VPS13A: variants seen among roughly 807,000 people sequenced by gnomAD.
The protein encoded by VPS13A is vacuolar protein sorting 13 homolog A.
In VPS13A, 264 loss-of-function variants were observed where a neutral mutation model predicts 390.9. The observed-to-expected ratio is 0.68, with a 90% CI of 0.61 to 0.75. VPS13A has a LOEUF of 0.75. Among genes scored for constraint, VPS13A ranks in the 30% least tolerant of loss-of-function variants. The pLI is 0.00. For synonymous variants in VPS13A, 1,231 were observed against 1,227.1 expected, an observed-to-expected ratio of 1.00 and a Z score of -0.07; for missense variants, 3,409 against 3,733.9, an observed-to-expected ratio of 0.91 and a Z score of 2.27.
At chr9:77,382,959 G>A (rs1027563898) in intron 68 of VPS13A, 1 of 985,232 alleles carries the variant, frequency 1.0e-6, no homozygotes, top group African/African-American at 1.7e-5. Context: ...TGTTGTTTCT[G>A]TGGTTTAGAG....
chr9:77,221,659 A>G (rs1823219642), intron 13 of VPS13A, among the ~76,000 whole-genome samples: 1 of 152,164 alleles, frequency 6.6e-6, no homozygotes, highest in Admixed American at 6.6e-5. Context: ...CATTGATTCC[A>G]ACTTCTCTGT....
At position 77,339,492 on chromosome 9, in the gene VPS13A, TTG is replaced by T. The variant is rs377033538; in HGVS notation, c.6379-22_6379-21del. Reference sequence around the variant, plus strand: ...ATTCTGCAACATTTTAAATTTTGTTTTGTTTTTTTTTTTTTTATTACAGGGAA... The same window carrying T: ...ATTCTGCAACATTTTAAATTTTGTTTTTTTTTTTTTTTTTATTACAGGGAA... On this transcript the variant is annotated intron_variant, in intron 47 of 71. Coordinates refer to ENST00000360280, the MANE Select transcript of VPS13A (RefSeq NM_033305.3). 9,252 of 1,393,854 alleles carry T rather than the reference TTG, an allele frequency of 6.6e-3. 96 individuals are homozygous for T. Among genetic ancestry groups the T allele is most frequent in the South Asian group, 7.2e-3 (515 of 71,440 alleles). The allele number at this position is 1,393,854 out of a possible 1,614,324, so 86.3% of individuals were successfully genotyped here.
intron 26 of VPS13A, 31 bp downstream of exon 26, chr9:77,276,252 A>G (rs1302800330): frequency 2.0e-6 from 3 of 1,519,216 alleles, no homozygotes; most frequent in Non-Finnish European, 2.7e-6. Context: ...AAATAAATAA[A>G]TTAATTTCAT....
chr9:77,351,091 C>A, intron 52 of VPS13A: 1 of 441,888 alleles, frequency 2.3e-6, no homozygotes, highest in Non-Finnish European at 4.0e-6. Context: ...ACTTGAAGAC[C>A]TTTATTTCCT....
At chr9:77,387,765 A>T (rs1286829781) in intron 68 of VPS13A, among the ~76,000 whole-genome samples, 1 of 152,214 alleles carries the variant, frequency 6.6e-6, no homozygotes, top group Non-Finnish European at 1.5e-5. Flanking sequence ...TGTTTTTGAA[A>T]CTATTCAAAA....
chr9:77,371,936 A>G (rs1197450793), intron 67 of VPS13A, among the ~76,000 whole-genome samples: 2 of 145,034 alleles, frequency 1.4e-5, no homozygotes, highest in South Asian at 4.5e-4. Flanking sequence ...TTTACTGAGA[A>G]TGATGATTTC....
At chr9:77,333,448 T>TTTTTG (rs1830382153) in intron 46 of VPS13A, among the ~76,000 whole-genome samples, 1 of 130,844 alleles carries the variant, frequency 7.6e-6, no homozygotes, top group Admixed American at 7.6e-5. Flanking sequence ...TTTTTTTTTT[T>TTTTTG]GAGATGGAGT....
At chr9:77,334,659 T>A (rs998515985) in intron 46 of VPS13A, among the ~76,000 whole-genome samples, 4 of 152,228 alleles carry the variant, frequency 2.6e-5, no homozygotes, top group Non-Finnish European at 4.4e-5. Context: ...ATTATGATCT[T>A]ACTCATTTGT....
intron 4 of VPS13A, 32 bp downstream of exon 4, chr9:77,205,440 G>T: frequency 9.1e-7 from 1 of 1,097,986 alleles, no homozygotes; most frequent in Non-Finnish European, 1.2e-6. Flanking sequence ...TATAATTTAA[G>T]TTATTCTTTT....
chr9:77,356,013 T>G (rs1831758584), intron 54 of VPS13A, among the ~76,000 whole-genome samples: 1 of 152,242 alleles, frequency 6.6e-6, no homozygotes, highest in African/African-American at 2.4e-5. Flanking sequence ...ATTATGTTGT[T>G]AGTTGTCTTA....
chr9:77,247,652 T>G (rs1300158629), intron 20 of VPS13A, among the ~76,000 whole-genome samples: 2 of 152,018 alleles, frequency 1.3e-5, no homozygotes, highest in Non-Finnish European at 2.9e-5. Context: ...GACTGATTGA[T>G]TGATTGATTG....
In VPS13A at chr9:77,250,379, C is replaced by T. The variant is rs556256901; in HGVS notation, c.2170+150C>T. ...GTAAATATTGTCTAGCTGTTCTTACCAGGAGCAGTCTTGCCCCCCCAAGAG... is the reference window on the plus strand; with the variant it reads ...GTAAATATTGTCTAGCTGTTCTTACTAGGAGCAGTCTTGCCCCCCCAAGAG... On this transcript the variant is annotated intron_variant, in intron 21 of 71. Transcript: ENST00000360280. 126 of 999,628 alleles carry T rather than the reference C, an allele frequency of 1.3e-4. No individual in the cohort carries two copies. In the African/African-American group the frequency reaches 1.9e-3, roughly 15 times the overall value. 61.9% of individuals were successfully genotyped at this position (999,628 alleles called of 1,614,324 possible). A position where few individuals can be genotyped will look rare whatever the true frequency, so the allele number is the denominator to read the frequency against.
At chr9:77,207,252 T>TATATA in intron 5 of VPS13A, among the ~76,000 whole-genome samples, 1 of 87,274 alleles carries the variant, frequency 1.1e-5, no homozygotes, top group Non-Finnish European at 2.3e-5. Flanking sequence ...TATATATATA[T>TATATA]AAAACGTGTT....
chr9:77,250,962 A>C (rs997011345), intron 21 of VPS13A, among the ~76,000 whole-genome samples: 12 of 152,226 alleles, frequency 7.9e-5, no homozygotes, highest in African/African-American at 2.9e-4. Context: ...GATCTGTTGA[A>C]GAGATCCATA....
At chr9:77,186,901 C>T (rs532133890) in intron 1 of VPS13A, among the ~76,000 whole-genome samples, 9 of 152,336 alleles carry the variant, frequency 5.9e-5, no homozygotes, top group African/African-American at 2.2e-4. Flanking sequence ...ATTCCACCGT[C>T]TTCCCAGACC....
chr9:77,350,292 T>G (rs1311519345), intron 52 of VPS13A, among the ~76,000 whole-genome samples: 1 of 152,212 alleles, frequency 6.6e-6, no homozygotes, highest in African/African-American at 2.4e-5. Context: ...TATGTATTAT[T>G]TCATTCAAGG....
intron 71 of VPS13A, among the ~76,000 whole-genome samples, chr9:77,415,545 A>C (rs1465726515): frequency 6.6e-6 from 1 of 152,218 alleles, no homozygotes; most frequent in Non-Finnish European, 1.5e-5. Flanking sequence ...GAGAGCACCT[A>C]AAATGCTCAA....
At position 77,209,418 on chromosome 9, in the gene VPS13A, T is replaced by C. The variant is rs541847519; in HGVS notation, c.386-5T>C. The stretch of plus-strand genomic sequence containing the variant: ...ATTTTAAAAAAGGAATATTTGCAAT[T>C]GTAGAACAACATCTGCCGGAAAAAC... On this transcript the variant is annotated splice_region_variant and splice_polypyrimidine_tract_variant and intron_variant, in intron 5 of 71. Coordinates refer to ENST00000360280, the MANE Select transcript of VPS13A (RefSeq NM_033305.3). 4 of 1,597,848 alleles carry C rather than the reference T, an allele frequency of 2.5e-6. No individual in the cohort carries two copies. The African/African-American group carries it at 4.0e-5, about 16-fold the overall frequency.
Position 77,358,424 on chromosome 9 carries a change from T to G in VPS13A, c.8021T>G (p.Val2674Gly). 1.9e-6 allele frequency: 3 copies of G among 1,613,220 alleles called. No homozygotes were observed. The highest frequency in any genetic ancestry group is 1.7e-6 in the Non-Finnish European group (2 of 1,179,598). ...VFYPVKPPKS[V>G]TMDSAPKPFT... Reference sequence around the variant, plus strand: ...TATCCTGTTAAACCTCCAAAGTCGGTCACCATGGATTCAGGTTTGTTTTTA... The same window carrying G: ...TATCCTGTTAAACCTCCAAAGTCGGGCACCATGGATTCAGGTTTGTTTTTA... Residue 2674 changes from valine (V) to glycine (G), a missense_variant, in exon 57 of 72, where the codon GTC (valine) becomes GGC (glycine). By Grantham distance (109) the Val-to-Gly change is moderately radical (BLOSUM62 -3). Coordinates refer to ENST00000360280, the MANE Select transcript of VPS13A (RefSeq NM_033305.3).
Sources: gnomAD v4.1 joint callset for allele counts (sites outside exome capture counted in the v4.1 genomes callset) on GRCh38, gnomAD v4.1.1 for gene constraint, MANE v1.5 for transcripts, NCBI Gene and HGNC (gene_info 2026-07-23, HGNC 2026-07-21) for gene names.